The following STXBP5L variants were observed in gnomAD, a reference collection of about 807,000 sequenced individuals.
STXBP5L encodes syntaxin-binding protein 5-like.
STXBP5L carries 65 observed loss-of-function variants against 144.5 expected under a neutral mutation model. That is an observed-to-expected ratio of 0.45 (90% CI 0.37 to 0.55). STXBP5L has a LOEUF of 0.55. Among genes scored for constraint, STXBP5L ranks in the 20% least tolerant of loss-of-function variants. STXBP5L has a pLI of 0.00. For synonymous variants in STXBP5L, 505 were observed against 469.6 expected (o/e 1.08, Z -0.97); for missense variants, 1,298 against 1,405.5 (o/e 0.92, Z 1.22).
intron 9 of STXBP5L, among the ~76,000 whole-genome samples, chr3:121,160,278 T>G (rs1378454876): frequency 6.6e-6 from 1 of 152,166 alleles, no homozygotes; most frequent in Non-Finnish European, 1.5e-5. Flanking sequence ...TTATTTATTT[T>G]GGGGATCTAT....
chr3:121,324,718 A>C, intron 20 of STXBP5L: 1 of 529,838 alleles, frequency 1.9e-6, no homozygotes, highest in Non-Finnish European at 3.3e-6. Context: ...TGGTGTATGA[A>C]AACAAATTTT....
intron 3 of STXBP5L, among the ~76,000 whole-genome samples, chr3:120,994,335 G>T (rs1384482156): frequency 6.6e-6 from 1 of 152,046 alleles, no homozygotes; most frequent in East Asian, 1.9e-4. Flanking sequence ...TTTTATGGAT[G>T]TGGTGAAAAT....
intron 3 of STXBP5L, among the ~76,000 whole-genome samples, chr3:121,007,411 A>G (rs35810303): frequency 0.15 from 22,779 of 151,810 alleles, 2,118 homozygotes; most frequent in East Asian, 0.49. Flanking sequence ...ATTGAGAATT[A>G]TTTGCATCTA....
chr3:121,290,949 A>G (rs1216917767), intron 19 of STXBP5L, among the ~76,000 whole-genome samples: 1 of 152,152 alleles, frequency 6.6e-6, no homozygotes, highest in East Asian at 1.9e-4. Flanking sequence ...CATTTTACGG[A>G]ATGGGGGAAA....
intron 3 of STXBP5L, among the ~76,000 whole-genome samples, chr3:121,015,590 C>G (rs1945087462): frequency 6.6e-6 from 1 of 152,114 alleles, no homozygotes; most frequent in South Asian, 2.1e-4. Flanking sequence ...CGGGAACCCC[C>G]AATACTTTTC....
At chr3:121,050,865 G>A (rs1947920996) in intron 5 of STXBP5L, among the ~76,000 whole-genome samples, 1 of 152,042 alleles carries the variant, frequency 6.6e-6, no homozygotes, top group African/African-American at 2.4e-5. Flanking sequence ...ACACACATAG[G>A]CTCAAAATAA....
At chr3:121,043,318 C>G (rs1688681) in intron 4 of STXBP5L, among the ~76,000 whole-genome samples, 79,677 of 151,902 alleles carry the variant, frequency 0.52, 21,451 homozygotes, top group African/African-American at 0.62. Context: ...CTGTGGTGTT[C>G]TGCTTACTTT....
At chr3:121,025,370 T>C (rs1945853986) in intron 3 of STXBP5L, among the ~76,000 whole-genome samples, 1 of 152,036 alleles carries the variant, frequency 6.6e-6, no homozygotes. Flanking sequence ...CAACCCTATA[T>C]GGTTTGCTCT....
chr3:121,023,610 C>G (rs1181943794), intron 3 of STXBP5L, among the ~76,000 whole-genome samples: 1 of 152,026 alleles, frequency 6.6e-6, no homozygotes, highest in Non-Finnish European at 1.5e-5. Flanking sequence ...ACAAAGCAAA[C>G]AAAAACATAA....
At chr3:121,093,464 T>C (rs1342890046) in intron 5 of STXBP5L, among the ~76,000 whole-genome samples, 1 of 152,248 alleles carries the variant, frequency 6.6e-6, no homozygotes, top group Non-Finnish European at 1.5e-5. Context: ...GTTATTGGTC[T>C]ATTCAGAGAT....
chr3:121,049,664 G>A (rs930175839), intron 5 of STXBP5L: 2 of 154,090 alleles, frequency 1.3e-5, no homozygotes, highest in Non-Finnish European at 2.9e-5. Flanking sequence ...ATCCTGCAAG[G>A]TGCTGCAGAG....
chr3:121,276,668 A>G (rs192001919), intron 18 of STXBP5L, among the ~76,000 whole-genome samples: 12 of 151,880 alleles, frequency 7.9e-5, no homozygotes, highest in Admixed American at 3.3e-4. Context: ...ATGCCACTCC[A>G]TCATCTTTTG....
chr3:121,306,359 A>G (rs556916375), intron 19 of STXBP5L, among the ~76,000 whole-genome samples: 5 of 152,258 alleles, frequency 3.3e-5, no homozygotes, highest in South Asian at 2.1e-4. Context: ...CCATTCCCCA[A>G]TGACAGGACA....
intron 3 of STXBP5L, among the ~76,000 whole-genome samples, chr3:121,017,034 A>T (rs1303505467): frequency 1.3e-5 from 2 of 152,206 alleles, no homozygotes; most frequent in Non-Finnish European, 2.9e-5. Flanking sequence ...TGCAAAAATC[A>T]TCTACAAAAT....
chr3:121,090,925 CCCCT>C (rs1198533709), intron 5 of STXBP5L, among the ~76,000 whole-genome samples: 2 of 108,968 alleles, frequency 1.8e-5, no homozygotes, highest in South Asian at 4.0e-4. Flanking sequence ...CTATCCCTCC[CCCCT>C]CCCCCCACCC....
At chr3:121,008,889 C>A (rs1414521012) in intron 3 of STXBP5L, among the ~76,000 whole-genome samples, 1 of 151,422 alleles carries the variant, frequency 6.6e-6, no homozygotes, top group East Asian at 1.9e-4. Flanking sequence ...AAATATCTAT[C>A]TTTTCCAGGA....
chr3:121,358,550 G>C (rs181468671), intron 20 of STXBP5L, among the ~76,000 whole-genome samples: 13 of 151,980 alleles, frequency 8.6e-5, no homozygotes, highest in Non-Finnish European at 1.9e-4. Context: ...AGCACTAGGG[G>C]GATTGTGCCA....
At chr3:120,981,693 A>G (rs139994631) in intron 3 of STXBP5L, among the ~76,000 whole-genome samples, 1 of 152,324 alleles carries the variant, frequency 6.6e-6, no homozygotes, top group African/African-American at 2.4e-5. Context: ...CATTTTGAAT[A>G]AGATCCATTG....
At chr3:120,968,270 A>T (rs1276456968) in intron 3 of STXBP5L, among the ~76,000 whole-genome samples, 1 of 152,080 alleles carries the variant, frequency 6.6e-6, no homozygotes, top group Non-Finnish European at 1.5e-5. Flanking sequence ...TGTCTTTTAT[A>T]TTTGGGTGCT....
Sources: gnomAD v4.1 joint callset for allele counts (sites outside exome capture counted in the v4.1 genomes callset) on GRCh38, gnomAD v4.1.1 for gene constraint, MANE v1.5 for transcripts, NCBI Gene and HGNC (gene_info 2026-07-23, HGNC 2026-07-21) for gene names.